Variants in RARB observed in about 807,000 individuals in gnomAD.
RARB encodes the protein retinoic acid receptor beta.
RARB carries 17 observed loss-of-function variants against 51.9 expected under a neutral mutation model. The observed-to-expected ratio is 0.33, with a 90% CI of 0.22 to 0.49. The LOEUF (loss-of-function observed/expected upper bound fraction) is 0.49. Among genes scored for constraint, RARB ranks in the 20% least tolerant of loss-of-function variants. The pLI is 0.99. For missense variants in RARB, 369 were observed against 550.8 expected (o/e 0.67, Z 3.30); for synonymous variants, 215 against 195.4 (o/e 1.10, Z -0.84).
At position 25,403,615 on chromosome 3, in the gene RARB, T is replaced by C. The variant is rs559246390; in HGVS notation, c.179-57578T>C. Among the ~76,000 whole-genome samples, 45 of 152,150 alleles carry C rather than the reference T, an allele frequency of 3.0e-4. 1 individual carries two copies. The South Asian group carries it at 9.3e-3, about 32-fold the overall frequency. The stretch of plus-strand genomic sequence containing the variant: ...CCCTGGCTTAACTTTAGAACCAGAA[T>C]AAAAATAAAAATTTCAGCTCTGCGA... On this transcript the variant is annotated intron_variant, in intron 5 of 11. Coordinates refer to the RARB transcript ENST00000383772.
At chr3:25,216,227 A>C (rs1461586508) in intron 5 of RARB, among the ~76,000 whole-genome samples, 1 of 152,174 alleles carries the variant, frequency 6.6e-6, no homozygotes, top group Non-Finnish European at 1.5e-5. Context: ...CCTCTCCCCC[A>C]CAAGAGGAAT....
intron 4 of RARB, among the ~76,000 whole-genome samples, chr3:25,165,092 T>C (rs528393952): frequency 6.6e-6 from 1 of 152,254 alleles, no homozygotes; most frequent in African/African-American, 2.4e-5. Flanking sequence ...TGGGAGTTTT[T>C]TTTAAGAAAG....
At chr3:25,147,977 G>T (rs1217231416) in intron 4 of RARB, among the ~76,000 whole-genome samples, 1 of 152,202 alleles carries the variant, frequency 6.6e-6, no homozygotes, top group African/African-American at 2.4e-5. Flanking sequence ...TGGAGGGTCT[G>T]GGGTCTTTGA....
At chr3:24,971,124 T>G (rs1284341950) in intron 2 of RARB, among the ~76,000 whole-genome samples, 1 of 151,980 alleles carries the variant, frequency 6.6e-6, no homozygotes, top group Non-Finnish European at 1.5e-5. Flanking sequence ...TGAGATCATA[T>G]AAATGACATT....
chr3:25,269,148 G>A (rs1406615509), intron 5 of RARB, among the ~76,000 whole-genome samples: 1 of 152,100 alleles, frequency 6.6e-6, no homozygotes, highest in Non-Finnish European at 1.5e-5. Flanking sequence ...TCAAGTATGT[G>A]CCAAAATATG....
At chr3:25,360,879 A>T (rs1486768116) in intron 5 of RARB, among the ~76,000 whole-genome samples, 3 of 152,136 alleles carry the variant, frequency 2.0e-5, no homozygotes, top group African/African-American at 7.2e-5. Context: ...CTTTGTGGGT[A>T]ACCTGACCTT....
chr3:25,458,402 T>G (rs543009906), intron 1 of RARB: 1 of 152,334 alleles, frequency 6.6e-6, no homozygotes, highest in Non-Finnish European at 1.5e-5. Flanking sequence ...GGGTGAGTGA[T>G]TCTGTGTGTA....
chr3:25,045,364 G>A (rs979495423), intron 2 of RARB, among the ~76,000 whole-genome samples: 2 of 152,150 alleles, frequency 1.3e-5, no homozygotes, highest in East Asian at 1.9e-4. Flanking sequence ...ACAGGAGGGG[G>A]GTTTATCAGG....
Position 25,519,679 on chromosome 3 carries a change from T to G in RARB, c.448+18356T>G, listed in dbSNP as rs181600259. Among the ~76,000 whole-genome samples the G allele has an allele frequency of 7.2e-5, 11 of 152,322 alleles. 1 individual carries two copies. Among genetic ancestry groups the G allele is most frequent in the Admixed American group, 7.2e-4 (11 of 15,298 alleles). On this transcript the variant is annotated intron_variant, in intron 3 of 7. Coordinates refer to ENST00000330688, the MANE Select transcript of RARB (RefSeq NM_000965.5). ...TTGCCACGTTTTTTAAGCTTACCTGTATTTTTATCACTTATCATTTTAGTG... is the reference window on the plus strand; with the variant it reads ...TTGCCACGTTTTTTAAGCTTACCTGGATTTTTATCACTTATCATTTTAGTG...
chr3:24,913,137 C>T (rs760446791), intron 2 of RARB, among the ~76,000 whole-genome samples: 5 of 151,490 alleles, frequency 3.3e-5, no homozygotes, highest in African/African-American at 4.9e-5. Context: ...CCCGCCACCA[C>T]GCCCGGCTAA....
chr3:25,055,027 G>A (rs373415978), intron 2 of RARB, among the ~76,000 whole-genome samples: 47 of 152,026 alleles, frequency 3.1e-4, no homozygotes, highest in African/African-American at 2.4e-4. Flanking sequence ...TAAATACTTC[G>A]TGTATTAGAA....
intron 2 of RARB, among the ~76,000 whole-genome samples, chr3:25,495,906 G>A (rs1051442598): frequency 2.6e-5 from 4 of 152,324 alleles, no homozygotes; most frequent in African/African-American, 4.8e-5. Context: ...AACAGAATTC[G>A]TGATTAGCCA....
chr3:24,911,175 C>T (rs777065570), intron 2 of RARB, among the ~76,000 whole-genome samples: 9 of 152,252 alleles, frequency 5.9e-5, no homozygotes, highest in Non-Finnish European at 1.2e-4. Flanking sequence ...TAGGATGAAA[C>T]CATCTTCTCT....
At chr3:24,999,682 G>C (rs947087391) in intron 2 of RARB, among the ~76,000 whole-genome samples, 11 of 152,138 alleles carry the variant, frequency 7.2e-5, no homozygotes, top group African/African-American at 2.7e-4. Flanking sequence ...GTGTGCATTA[G>C]CAATACAACT....
intron 5 of RARB, among the ~76,000 whole-genome samples, chr3:25,404,583 GTAGGTGCTCAAACATTT>G (rs1707355469): frequency 6.6e-6 from 1 of 152,172 alleles, no homozygotes; most frequent in African/African-American, 2.4e-5. Context: ...GAAAGTTTGA[GTAGGTGCTCAAACATTT>G]TTTGAGCACC....
At chr3:25,187,672 C>T (rs1439844024) in intron 5 of RARB, among the ~76,000 whole-genome samples, 2 of 151,814 alleles carry the variant, frequency 1.3e-5, no homozygotes, top group Non-Finnish European at 2.9e-5. Context: ...TTTGTTGTGA[C>T]GAGGCACAGA....
intron 5 of RARB, among the ~76,000 whole-genome samples, chr3:25,303,984 A>G (rs1704099463): frequency 6.6e-6 from 1 of 152,064 alleles, no homozygotes; most frequent in African/African-American, 2.4e-5. Context: ...AGAACACTGA[A>G]CGGCCCCAAA....
intron 3 of RARB, among the ~76,000 whole-genome samples, chr3:25,090,537 T>C (rs1476252429): frequency 1.3e-5 from 2 of 152,142 alleles, no homozygotes; most frequent in East Asian, 1.9e-4. Flanking sequence ...CTGAACACTT[T>C]CCATTGAACA....
chr3:24,908,033 A>T (rs577050004), intron 2 of RARB, among the ~76,000 whole-genome samples: 1 of 152,252 alleles, frequency 6.6e-6, no homozygotes, highest in African/African-American at 2.4e-5. Flanking sequence ...TCAACATCCC[A>T]GAGACGCTCA....
Sources: gnomAD v4.1 joint callset for allele counts (sites outside exome capture counted in the v4.1 genomes callset) on GRCh38, gnomAD v4.1.1 for gene constraint, MANE v1.5 for transcripts, NCBI Gene and HGNC (gene_info 2026-07-23, HGNC 2026-07-21) for gene names.